The following SLC14A2 variants were observed in gnomAD, a reference collection of about 807,000 sequenced individuals.
SLC14A2 encodes solute carrier family 14 member 2.
Under a neutral mutation model 104.6 loss-of-function variants are expected in SLC14A2, and 91 were observed. That is an observed-to-expected ratio of 0.87 (90% confidence interval 0.73 to 1.04). SLC14A2 has a LOEUF of 1.04. Ranked by LOEUF, SLC14A2 falls within the 50% of genes least tolerant of loss-of-function variation. The pLI is 0.00. For missense variants in SLC14A2, 1,189 were observed against 1,156.0 expected (o/e 1.03, Z -0.41); for synonymous variants, 476 against 466.4 (o/e 1.02, Z -0.27).
chr18:45,496,024 T>A (rs1405025279), intron 2 of SLC14A2, among the ~76,000 whole-genome samples: 1 of 152,218 alleles, frequency 6.6e-6, no homozygotes, highest in East Asian at 1.9e-4. Flanking sequence ...CTGGGGCCAA[T>A]GCTTCATGCC....
intron 2 of SLC14A2, among the ~76,000 whole-genome samples, chr18:45,569,121 A>C (rs1257437372): frequency 4.6e-5 from 7 of 152,214 alleles, no homozygotes; most frequent in Non-Finnish European, 1.0e-4. Context: ...TTAGGAGGGC[A>C]TGGGCCTTCA....
the SLC14A2 span, among the ~76,000 whole-genome samples, chr18:45,207,499 C>CTAATAA: frequency 6.6e-6 from 1 of 151,796 alleles, no homozygotes; most frequent in African/African-American, 2.4e-5. Context: ...AAAAATAAAC[C>CTAATAA]TAATAATGTG....
chr18:45,538,956 T>C (rs1355258234), intron 2 of SLC14A2, among the ~76,000 whole-genome samples: 1 of 150,086 alleles, frequency 6.7e-6, no homozygotes, highest in Non-Finnish European at 1.5e-5. Context: ...CCTTCCTTCC[T>C]GCCACAGCTT....
chr18:45,400,873 T>A (rs2086088498), intron 1 of SLC14A2, among the ~76,000 whole-genome samples: 1 of 152,224 alleles, frequency 6.6e-6, no homozygotes, highest in Non-Finnish European at 1.5e-5. Flanking sequence ...TGCTCGGACG[T>A]GTCCTAGATT....
the SLC14A2 span, among the ~76,000 whole-genome samples, chr18:45,192,379 C>T: frequency 3.9e-5 from 6 of 152,186 alleles, no homozygotes; most frequent in African/African-American, 1.4e-4. Flanking sequence ...CTGCTGTGAG[C>T]ATCCATGTGC....
chr18:45,387,659 A>G (rs2085912743), intron 1 of SLC14A2, among the ~76,000 whole-genome samples: 1 of 152,234 alleles, frequency 6.6e-6, no homozygotes, highest in African/African-American at 2.4e-5. Flanking sequence ...CCTCAGGGCA[A>G]GTCAGAAGGG....
chr18:45,616,473 G>A lies in SLC14A2; in HGVS notation c.-35+891G>A, dbSNP rs145555144. On this transcript the variant is annotated intron_variant, in intron 1 of 19. Transcript: ENST00000255226. ...GAGTTTCATGCCCAGTTTCAGGAGCGAAGCACTCAGACATGGAGCACCTCA... is the reference window on the plus strand; with the variant it reads ...GAGTTTCATGCCCAGTTTCAGGAGCAAAGCACTCAGACATGGAGCACCTCA... 2.8e-3 allele frequency among the ~76,000 whole-genome samples: 431 copies of A among 152,274 alleles called. 1 individual carries two copies. The highest frequency in any genetic ancestry group is 9.9e-3 in the African/African-American group (411 of 41,556).
At chr18:45,216,686 A>T (rs973364697) in intron 1 of SLC14A2, among the ~76,000 whole-genome samples, 5 of 151,874 alleles carry the variant, frequency 3.3e-5, no homozygotes, top group Non-Finnish European at 7.4e-5. Context: ...AGAACCACCT[A>T]TTTGAGACTT....
chr18:45,374,619 G>A (rs2085755221), intron 1 of SLC14A2, among the ~76,000 whole-genome samples: 2 of 150,146 alleles, frequency 1.3e-5, no homozygotes, highest in South Asian at 4.2e-4. Context: ...TGTGCTATTA[G>A]AGGCAAAACT....
intron 2 of SLC14A2, among the ~76,000 whole-genome samples, chr18:45,536,568 A>C (rs2043787874): frequency 6.6e-6 from 1 of 152,106 alleles, no homozygotes; most frequent in Admixed American, 6.5e-5. Flanking sequence ...GACACCATTC[A>C]TGTCAGATTA....
At chr18:45,445,978 A>C (rs2086762964) in intron 1 of SLC14A2, among the ~76,000 whole-genome samples, 1 of 152,230 alleles carries the variant, frequency 6.6e-6, no homozygotes, top group Non-Finnish European at 1.5e-5. Flanking sequence ...GCAGTAAGCA[A>C]AGACATTAAA....
At chr18:45,647,493 T>G (rs985215442) in intron 10 of SLC14A2, 1 of 152,200 alleles carries the variant, frequency 6.6e-6, no homozygotes. Flanking sequence ...CTTGTTTTGG[T>G]TTGTTTTCTA....
intron 2 of SLC14A2, among the ~76,000 whole-genome samples, chr18:45,596,495 A>T (rs1378670299): frequency 6.6e-6 from 1 of 152,210 alleles, no homozygotes; most frequent in Non-Finnish European, 1.5e-5. Context: ...GGAGTTGAAC[A>T]AGAGAAGGGG....
At chr18:45,335,507 C>G (rs1393581248) in intron 1 of SLC14A2, among the ~76,000 whole-genome samples, 1 of 152,044 alleles carries the variant, frequency 6.6e-6, no homozygotes, top group Non-Finnish European at 1.5e-5. Flanking sequence ...CTGGGTGTAA[C>G]CACCAGTCTT....
chr18:45,666,602 T>TAAAAAA (rs5824604), intron 12 of SLC14A2, among the ~76,000 whole-genome samples: 2,267 of 145,990 alleles, frequency 0.016, 44 homozygotes, highest in African/African-American at 0.049. Flanking sequence ...GTATTAATGT[T>TAAAAAA]AAAAAAAAAA....
chr18:45,417,531 C>G (rs906669853), intron 1 of SLC14A2, among the ~76,000 whole-genome samples: 2 of 152,180 alleles, frequency 1.3e-5, no homozygotes, highest in African/African-American at 2.4e-5. Context: ...GAGGGAAAAG[C>G]TCCTTATAAA....
At chr18:45,213,817 G>A (rs1285814105) in intron 1 of SLC14A2, among the ~76,000 whole-genome samples, 1 of 152,110 alleles carries the variant, frequency 6.6e-6, no homozygotes, top group African/African-American at 2.4e-5. Flanking sequence ...ATACAATTTG[G>A]GGGAAAGTAT....
At chr18:45,407,300 C>G (rs1359960601) in intron 1 of SLC14A2, among the ~76,000 whole-genome samples, 2 of 152,298 alleles carry the variant, frequency 1.3e-5, no homozygotes, top group African/African-American at 4.8e-5. Flanking sequence ...CATGACCTAA[C>G]CTCTTCTAGC....
intron 2 of SLC14A2, among the ~76,000 whole-genome samples, chr18:45,576,861 G>A (rs2044425375): frequency 6.6e-6 from 1 of 152,198 alleles, no homozygotes; most frequent in Non-Finnish European, 1.5e-5. Context: ...GGAAACACAG[G>A]CACCAGGGTT....
Sources: gnomAD v4.1 joint callset for allele counts (sites outside exome capture counted in the v4.1 genomes callset) on GRCh38, gnomAD v4.1.1 for gene constraint, MANE v1.5 for transcripts, NCBI Gene and HGNC (gene_info 2026-07-23, HGNC 2026-07-21) for gene names.